Variants in APBA2 observed in about 807,000 individuals in gnomAD.
APBA2 encodes amyloid beta precursor protein binding family A member 2, also known as amyloid-beta A4 precursor protein-binding family A member 2.
In APBA2, 30 loss-of-function variants were observed where a neutral mutation model predicts 75.0. The observed-to-expected ratio is 0.40, with a 90% confidence interval of 0.30 to 0.54. The LOEUF is 0.54. APBA2 is among the 20% of genes least tolerant of loss of function. APBA2 has a pLI of 0.49. For synonymous variants in APBA2, 444 were observed against 409.6 expected (o/e 1.08, Z -1.01); for missense variants, 801 against 1,016.1 (o/e 0.79, Z 2.88).
At position 29,094,316 on chromosome 15, in the gene APBA2, G is replaced by T. The variant is rs1162706276; in HGVS notation, c.1251+3G>T. On this transcript the variant is annotated splice_donor_region_variant and intron_variant, in intron 8 of 14. Coordinates refer to ENST00000683413, the MANE Select transcript of APBA2 (RefSeq NM_001353788.2). ...CTGCTAAGATCAAGAAAAAAGCGGT[G>T]TGTAGGGCCTTGAGGCCCTGGGACA... 1 of 1,614,180 alleles carries T rather than the reference G, an allele frequency of 6.2e-7. No individual in the cohort carries two copies. Among genetic ancestry groups the T allele is most frequent in the Non-Finnish European group, 8.5e-7 (1 of 1,179,974 alleles).
In APBA2 at chr15:28,918,070, A is replaced by G. The variant is rs1227896620; in HGVS notation, c.-204-3570A>G. ...CCCCGAGGATTCTGCCCAGATAGGG[A>G]TAAGAATCACCGCGAGTGTTTGCTG... On this transcript the variant is annotated intron_variant, in intron 1 of 14. Transcript: ENST00000683413. The surrounding 1 kb of genome is among the most constrained non-coding windows in gnomAD (Gnocchi z 4.2). 6.6e-6 allele frequency among the ~76,000 whole-genome samples: 1 copy of G among 152,196 alleles called. No homozygotes were observed.
At chr15:29,099,834 C>T (rs1223703332) in intron 9 of APBA2, among the ~76,000 whole-genome samples, 1 of 152,190 alleles carries the variant, frequency 6.6e-6, no homozygotes, top group African/African-American at 2.4e-5. Flanking sequence ...AAACAAGTTC[C>T]TGAACATCTC....
intron 3 of APBA2, among the ~76,000 whole-genome samples, chr15:29,052,278 A>AC (rs1305211873): frequency 6.6e-6 from 1 of 151,586 alleles, no homozygotes; most frequent in Non-Finnish European, 1.5e-5. Context: ...ACACGGTGAA[A>AC]CCCCGTCTCT....
At chr15:28,921,089 G>A (rs1301938731) in intron 1 of APBA2, among the ~76,000 whole-genome samples, 1 of 152,120 alleles carries the variant, frequency 6.6e-6, no homozygotes, top group Non-Finnish European at 1.5e-5. Context: ...TTTGTTTAGT[G>A]TATTTGGTAG....
At chr15:29,077,247 G>A (rs1347240561) in intron 6 of APBA2, among the ~76,000 whole-genome samples, 4 of 152,152 alleles carry the variant, frequency 2.6e-5, no homozygotes, top group Non-Finnish European at 4.4e-5. Flanking sequence ...CCACATTCCC[G>A]CTTGTAGTGT....
intron 3 of APBA2, among the ~76,000 whole-genome samples, chr15:29,032,001 G>A (rs2040512764): frequency 6.6e-6 from 1 of 152,240 alleles, no homozygotes; most frequent in South Asian, 2.1e-4. Context: ...AGGGGTGAGA[G>A]TTAATGTAGC....
chr15:28,922,370 ACT>A (rs1434983942), intron 2 of APBA2, among the ~76,000 whole-genome samples: 2 of 152,076 alleles, frequency 1.3e-5, no homozygotes, highest in Non-Finnish European at 2.9e-5. Flanking sequence ...AGCCCAAGAC[ACT>A]GGTGGCCACC....
At chr15:29,034,675 G>A (rs1202062676) in intron 3 of APBA2, among the ~76,000 whole-genome samples, 1 of 152,252 alleles carries the variant, frequency 6.6e-6, no homozygotes, top group African/African-American at 2.4e-5. Flanking sequence ...CACAGACTGT[G>A]AAGTGCATAT....
intron 2 of APBA2, among the ~76,000 whole-genome samples, chr15:28,923,553 G>A (rs977841221): frequency 6.1e-5 from 9 of 146,382 alleles, no homozygotes; most frequent in African/African-American, 2.5e-5. Context: ...CCCTGGGGGT[G>A]GGTGCTGAGT....
chr15:29,054,084 G>T lies in APBA2; in HGVS notation c.200G>T (p.Ser67Ile). ...GAGGAACAGGAGTGCCACAACCACA[G>T]CCCCGATGGGGACTCCAGCTCTGAC... ...APEEQECHNH[S>I]PDGDSSSDYV... The change falls in exon 4 of 15, where the codon AGC (serine) becomes ATC (isoleucine). Residue 67 changes from serine (S) to isoleucine (I), a missense_variant. Coordinates refer to ENST00000683413, the MANE Select transcript of APBA2 (RefSeq NM_001353788.2). This position sits in a 1 kb window ranked among gnomAD's most constrained non-coding sequence, Gnocchi z 6.1. 1 of 1,614,100 alleles carries T rather than the reference G, an allele frequency of 6.2e-7. No individual in the cohort carries two copies. Among genetic ancestry groups the T allele is most frequent in the African/African-American group, 1.3e-5 (1 of 75,064 alleles).
At chr15:28,972,381 T>C (rs2037113046) in intron 2 of APBA2, among the ~76,000 whole-genome samples, 2 of 152,162 alleles carry the variant, frequency 1.3e-5, no homozygotes, top group East Asian at 1.9e-4. Context: ...CCGGGAATGG[T>C]TGACTCAAGA....
intron 1 of APBA2, among the ~76,000 whole-genome samples, chr15:28,898,058 C>A (rs1025592147): frequency 6.6e-6 from 1 of 152,122 alleles, no homozygotes; most frequent in Non-Finnish European, 1.5e-5. Context: ...GCTCAGGGAG[C>A]ACCGGCAGCT....
At chr15:28,895,899 C>T (rs545477066) in intron 1 of APBA2, among the ~76,000 whole-genome samples, 12 of 152,174 alleles carry the variant, frequency 7.9e-5, no homozygotes, top group African/African-American at 2.9e-4. Context: ...CTCGCTTAAG[C>T]CCAGGAGTTT....
At chr15:28,894,800 C>T (rs2032362828) in intron 1 of APBA2, among the ~76,000 whole-genome samples, 1 of 147,058 alleles carries the variant, frequency 6.8e-6, no homozygotes, top group Non-Finnish European at 1.5e-5. Flanking sequence ...AGAAGGACGC[C>T]GTTAGGGGCA....
At chr15:29,084,503 A>G (rs1307001883) in intron 6 of APBA2, among the ~76,000 whole-genome samples, 1 of 152,236 alleles carries the variant, frequency 6.6e-6, no homozygotes, top group Non-Finnish European at 1.5e-5. Flanking sequence ...ATCTTACATC[A>G]TAGCCTCTTT....
chr15:29,060,914 G>T (rs548406310), intron 4 of APBA2, among the ~76,000 whole-genome samples: 1 of 152,166 alleles, frequency 6.6e-6, no homozygotes. Flanking sequence ...GCAGTGAAGC[G>T]TGAGTGGAGG....
At chr15:28,940,869 G>A (rs917951952) in intron 2 of APBA2, among the ~76,000 whole-genome samples, 10 of 152,176 alleles carry the variant, frequency 6.6e-5, no homozygotes, top group Admixed American at 2.0e-4. Flanking sequence ...TGCTGAGAGA[G>A]AGCATTAAAA....
chr15:29,063,973 C>T (rs970213036), intron 4 of APBA2, among the ~76,000 whole-genome samples: 13 of 152,186 alleles, frequency 8.5e-5, no homozygotes, highest in African/African-American at 3.1e-4. Flanking sequence ...AAGGTGCCCC[C>T]ACGCTGTCCC....
At chr15:29,062,593 A>C (rs1291573539) in intron 4 of APBA2, among the ~76,000 whole-genome samples, 1 of 152,154 alleles carries the variant, frequency 6.6e-6, no homozygotes, top group East Asian at 1.9e-4. Context: ...GGAGCAGTTT[A>C]TCTATCAGGA....
Sources: allele counts gnomAD v4.1 joint callset (sites outside exome capture counted in the v4.1 genomes callset), GRCh38; gene constraint gnomAD v4.1.1; non-coding constraint Gnocchi (gnomAD v3.1); transcripts MANE v1.5; gene names NCBI Gene and HGNC (gene_info 2026-07-23, HGNC 2026-07-21).